Variants in WARS1 observed in about 807,000 individuals in gnomAD.
WARS1 encodes the protein tryptophan--tRNA ligase, cytoplasmic.
Under a neutral mutation model 47.8 loss-of-function variants are expected in WARS1, and 17 were observed. The observed-to-expected ratio is 0.36, with a 90% confidence interval of 0.24 to 0.53. The LOEUF is 0.53. Ranked by LOEUF, WARS1 falls within the 20% of genes least tolerant of loss-of-function variation. The pLI is 0.91. For synonymous variants in WARS1, 208 were observed against 228.1 expected (o/e 0.91, Z 0.79); for missense variants, 434 against 608.0 (o/e 0.71, Z 3.01).
chr14:100,341,403 G>A (rs978778270), intron 9 of WARS1, among the ~76,000 whole-genome samples: 5 of 152,138 alleles, frequency 3.3e-5, no homozygotes, highest in Non-Finnish European at 2.9e-5. Flanking sequence ...CATGTCTTAG[G>A]AAGTTTTGAT....
chr14:100,337,241 G>T (rs1893803868), intron 9 of WARS1, 39 bp from the exon 10 acceptor site: 1 of 1,599,872 alleles, frequency 6.3e-7, no homozygotes, highest in Non-Finnish European at 8.6e-7. Flanking sequence ...CCTCAGTCCT[G>T]CTCATCCTGT....
chr14:100,333,996 A>C lies in WARS1; in HGVS notation c.*879T>G, dbSNP rs1893540704. 1 of 152,668 alleles carries C rather than the reference A, an allele frequency of 6.6e-6. No homozygotes were observed. The highest frequency in any genetic ancestry group is 1.5e-5 in the Non-Finnish European group (1 of 68,094). 9.5% of individuals were successfully genotyped at this position (152,668 alleles called of 1,614,324 possible). ...CTCGACTTTCTCCCTAGCTAAGTCC[A>C]CCCGTCCAGGGACACAGCCAGGGCA... On this transcript the variant is annotated 3_prime_UTR_variant, in exon 11 of 11. Coordinates refer to ENST00000392882, the MANE Select transcript of WARS1 (RefSeq NM_004184.4).
rs146526971 is a variant in WARS1, at chr14:100,350,597, T to C, written c.725+3090A>G. On this transcript the variant is annotated intron_variant, in intron 6 of 10. Coordinates refer to ENST00000392882, the MANE Select transcript of WARS1 (RefSeq NM_004184.4). ...GTTCATCTACCCCATCGTGCATCTA[T>C]TGGCTGAATCAGCTTCATGGACTAT... Among the ~76,000 whole-genome samples, 48 of 152,230 alleles carry C rather than the reference T, an allele frequency of 3.2e-4. 1 individual carries two copies. The East Asian group carries it at 7.2e-3, about 23-fold the overall frequency.
Position 100,334,342 on chromosome 14 carries a change from A to G in WARS1, c.*533T>C, listed in dbSNP as rs757480565. On this transcript the variant is annotated 3_prime_UTR_variant, in exon 11 of 11. Coordinates refer to ENST00000392882, the MANE Select transcript of WARS1 (RefSeq NM_004184.4). The stretch of plus-strand genomic sequence containing the variant: ...GCTGGGTGATTTCTTAGTCAAATGT[A>G]TAACGAAGCTTTTACTTATCAATTT... 6.6e-6 allele frequency: 1 copy of G among 152,628 alleles called. No homozygotes were observed. The highest frequency in any genetic ancestry group is 2.1e-4 in the South Asian group (1 of 4,834). The allele number at this position is 152,628 out of a possible 1,614,324, so 9.5% of individuals were successfully genotyped here.
chr14:100,345,277 C>G (rs1894520967), intron 7 of WARS1, among the ~76,000 whole-genome samples: 1 of 151,922 alleles, frequency 6.6e-6, no homozygotes, highest in Non-Finnish European at 1.5e-5. Flanking sequence ...GTTGCCGTGT[C>G]TGTGTAGAAA....
intron 7 of WARS1, among the ~76,000 whole-genome samples, chr14:100,344,486 G>T (rs1595416825): frequency 6.6e-6 from 1 of 152,222 alleles, no homozygotes; most frequent in South Asian, 2.1e-4. Context: ...CGAGATTGCA[G>T]CCTCTGCATG....
intron 9 of WARS1, 119 bp downstream of exon 9, chr14:100,342,279 T>C (rs760528844): frequency 7.1e-7 from 1 of 1,414,368 alleles, no homozygotes; most frequent in African/African-American, 1.4e-5. Context: ...GAGTTCAGCA[T>C]TGCTACGGTG....
intron 2 of WARS1, chr14:100,368,378 C>G (rs769474113): frequency 8.8e-6 from 4 of 455,498 alleles, no homozygotes; most frequent in South Asian, 1.6e-5. Context: ...ACTGACCTAA[C>G]TACAACTGCA....
chr14:100,344,966 C>CT (rs1894464892), intron 7 of WARS1, among the ~76,000 whole-genome samples: 1 of 150,860 alleles, frequency 6.6e-6, no homozygotes, highest in Non-Finnish European at 1.5e-5. Flanking sequence ...GTCAGCCCCC[C>CT]GCCCGGCCAG....
At chr14:100,341,694 T>C (rs1438111815) in intron 9 of WARS1, among the ~76,000 whole-genome samples, 1 of 152,376 alleles carries the variant, frequency 6.6e-6, no homozygotes. Context: ...TTAGTTTCTC[T>C]AGTGATTTGT....
intron 7 of WARS1, among the ~76,000 whole-genome samples, chr14:100,344,851 C>T (rs140618071): frequency 0.058 from 8,713 of 150,578 alleles, 402 homozygotes; most frequent in African/African-American, 0.12. Flanking sequence ...GCCCGGCAAC[C>T]GCCCGCCTGA....
intron 9 of WARS1, 106 bp from the exon 10 acceptor site, chr14:100,337,308 A>G: frequency 6.5e-7 from 1 of 1,529,486 alleles, no homozygotes; most frequent in Non-Finnish European, 8.9e-7. Context: ...GTGCTGTCAG[A>G]TTCTGGACCC....
At chr14:100,368,023 G>A (rs1362342571) in intron 2 of WARS1, among the ~76,000 whole-genome samples, 1 of 152,136 alleles carries the variant, frequency 6.6e-6, no homozygotes, top group Non-Finnish European at 1.5e-5. Context: ...AGAACCCCTT[G>A]GGTCGACAGT....
chr14:100,342,315 T>C (rs777746608), intron 9 of WARS1, 83 bp downstream of exon 9: 162 of 1,581,654 alleles, frequency 1.0e-4, no homozygotes, highest in Non-Finnish European at 1.4e-4. Context: ...CCCAAAGCAC[T>C]GCGCAGTGGT....
chr14:100,371,318 C>T (rs751304005), intron 1 of WARS1, among the ~76,000 whole-genome samples: 4 of 151,402 alleles, frequency 2.6e-5, no homozygotes, highest in African/African-American at 7.3e-5. Context: ...GGCATGGTGG[C>T]GCACACCTGT....
intron 9 of WARS1, 64 bp downstream of exon 9, chr14:100,342,334 G>A: frequency 3.8e-6 from 6 of 1,594,252 alleles, no homozygotes; most frequent in Non-Finnish European, 5.2e-6. Context: ...GTGTGTGTGT[G>A]CGTGTGCCCC....
Position 100,342,432 on chromosome 14 carries a change from A to G in WARS1, c.1079T>C (p.Phe360Ser), listed in dbSNP as rs767823818. The G allele has an allele frequency of 5.6e-6, 9 of 1,613,954 alleles. No individual in the cohort carries two copies. The highest frequency in any genetic ancestry group is 7.6e-6 in the Non-Finnish European group (9 of 1,179,960). The change falls in exon 9 of 11, where the codon TTC becomes TCC. Residue 360 changes from phenylalanine to serine, a missense_variant. By Grantham distance (155) the Phe-to-Ser change is radical. Transcript: ENST00000392882. ...GATCTGCTTGGCCGTGTCGGTGAGG[A>G]AGATGGAGGAGTTGGGGTCGCTGGC... is the stretch of plus-strand genomic sequence containing the variant. The part of the protein sequence containing the change: ...MSASDPNSSI[F>S]LTDTAKQIKT...
intron 2 of WARS1, among the ~76,000 whole-genome samples, chr14:100,364,577 T>C (rs1019573701): frequency 1.3e-5 from 2 of 152,374 alleles, no homozygotes; most frequent in South Asian, 2.1e-4. Context: ...AATGTACTTC[T>C]GAATTTTTCA....
intron 1 of WARS1, among the ~76,000 whole-genome samples, chr14:100,369,648 C>A (rs1350430099): frequency 6.6e-6 from 1 of 151,600 alleles, no homozygotes; most frequent in Non-Finnish European, 1.5e-5. Context: ...AACTTAAGTT[C>A]ATTGCTAAAA....
Sources: allele counts gnomAD v4.1 joint callset (sites outside exome capture counted in the v4.1 genomes callset), GRCh38; gene constraint gnomAD v4.1.1; transcripts MANE v1.5; gene names NCBI Gene and HGNC (gene_info 2026-07-23, HGNC 2026-07-21).